DNAJC7: variants seen among roughly 807,000 people sequenced by gnomAD.
DNAJC7 encodes the protein dnaJ homolog subfamily C member 7.
A neutral mutation model predicts 67.4 loss-of-function variants in DNAJC7; 18 were observed. That is an observed-to-expected ratio of 0.27 (90% CI 0.18 to 0.40). The LOEUF (loss-of-function observed/expected upper bound fraction) is 0.40. DNAJC7 is among the 10% of genes least tolerant of loss of function. The pLI, the probability that DNAJC7 is intolerant of heterozygous loss-of-function variation, is 1.00. For synonymous variants in DNAJC7, 220 were observed against 207.8 expected, an observed-to-expected ratio of 1.06 and a Z score of -0.50; for missense variants, 419 against 613.8, an observed-to-expected ratio of 0.68 and a Z score of 3.35.
chr17:41,999,517 A>AT (rs1234722739), intron 2 of DNAJC7, among the ~76,000 whole-genome samples: 4 of 151,714 alleles, frequency 2.6e-5, no homozygotes, highest in African/African-American at 7.3e-5. Flanking sequence ...ACTTTTCTCA[A>AT]TTTTTTTTAA....
intron 5 of DNAJC7, among the ~76,000 whole-genome samples, 158 bp downstream of exon 5, chr17:41,994,712 A>G (rs1206776313): frequency 6.6e-6 from 1 of 152,144 alleles, no homozygotes; most frequent in Non-Finnish European, 1.5e-5. Flanking sequence ...CCTTAGCACA[A>G]AACATTTTTA....
intron 1 of DNAJC7, chr17:42,000,857 C>A: frequency 4.6e-6 from 1 of 219,692 alleles, no homozygotes; most frequent in Non-Finnish European, 8.9e-6. Flanking sequence ...TGCCTGTAGT[C>A]ATCCTCCCCG....
chr17:41,995,486 G>A (rs897284836), intron 4 of DNAJC7, among the ~76,000 whole-genome samples: 8 of 152,186 alleles, frequency 5.3e-5, no homozygotes, highest in African/African-American at 1.9e-4. Context: ...ATATGGCAGT[G>A]CTCCTGTAAA....
At chr17:41,980,350 T>G (rs961658165) in intron 12 of DNAJC7, among the ~76,000 whole-genome samples, 1 of 148,714 alleles carries the variant, frequency 6.7e-6, no homozygotes, top group Non-Finnish European at 1.5e-5. Flanking sequence ...GCCCAGCAAA[T>G]TTTTTGGCAG....
intron 10 of DNAJC7, among the ~76,000 whole-genome samples, chr17:41,982,918 C>A (rs2051286583): frequency 6.6e-6 from 1 of 151,366 alleles, no homozygotes; most frequent in African/African-American, 2.4e-5. Flanking sequence ...TATGATCATG[C>A]CATTGCACTC....
At chr17:41,987,717 A>G (rs1233720034) in intron 9 of DNAJC7, 102 bp downstream of exon 9, 4 of 985,370 alleles carry the variant, frequency 4.1e-6, no homozygotes, top group Non-Finnish European at 6.1e-6. Context: ...GGAAGGACCA[A>G]ATGACCTCAC....
chr17:41,980,688 G>T lies in DNAJC7; in HGVS notation c.1384+1167C>A, dbSNP rs191415177. ...GCTGGGATTACAGGCGTAAGCCACCGCGCCCAGCTCACAGGTCAGGGCCTC... is the reference window on the plus strand; with the variant it reads ...GCTGGGATTACAGGCGTAAGCCACCTCGCCCAGCTCACAGGTCAGGGCCTC... On this transcript the variant is annotated intron_variant, in intron 12 of 13. Transcript: ENST00000457167. Among the ~76,000 whole-genome samples the T allele has an allele frequency of 1.3e-3, 205 of 152,178 alleles. 1 individual carries two copies. The highest frequency in any genetic ancestry group is 4.7e-3 in the African/African-American group (196 of 41,524).
chr17:41,986,408 G>A (rs1370769016), intron 9 of DNAJC7, among the ~76,000 whole-genome samples: 2 of 151,642 alleles, frequency 1.3e-5, no homozygotes, highest in African/African-American at 4.8e-5. Flanking sequence ...AAAACAAAGC[G>A]ATTTTTCTCT....
Position 41,983,573 on chromosome 17 carries a change from C to A in DNAJC7, c.1074G>T (p.Glu358Asp), listed in dbSNP as rs782365253. 6.3e-7 allele frequency: 1 copy of A among 1,591,278 alleles called. No individual in the cohort carries two copies. The highest frequency in any genetic ancestry group is 1.1e-5 in the South Asian group (1 of 88,054). ...TGCTTTTAAACTTACCTTTTGTTTT[C>A]TCTGTCTGGTATACTTTTTCATAGT... ...VRDYEKVYQT[E>D]KTKEHKQLLK... is the part of the protein sequence containing the mutation. The change falls in exon 10 of 14, where the codon GAG becomes GAT. Residue 358 changes from glutamate to aspartate, a missense_variant. Transcript: ENST00000457167.
chr17:41,989,397 A>G lies in DNAJC7; in HGVS notation c.753+7T>C. On this transcript the variant is annotated splice_region_variant and intron_variant, in intron 7 of 13. Transcript: ENST00000457167. Reference sequence around the variant, plus strand: ...TTTCCCAGTTAGGTCTGGTGACTAGAACTTACTCTGCAGGCAATGCAGGCC... The same window carrying G: ...TTTCCCAGTTAGGTCTGGTGACTAGGACTTACTCTGCAGGCAATGCAGGCC... 1 of 1,613,752 alleles carries G rather than the reference A, an allele frequency of 6.2e-7. No individual in the cohort carries two copies. The highest frequency in any genetic ancestry group is 8.5e-7 in the Non-Finnish European group (1 of 1,179,826).
At chr17:41,991,406 T>C (rs890538930) in intron 5 of DNAJC7, among the ~76,000 whole-genome samples, 2 of 152,156 alleles carry the variant, frequency 1.3e-5, no homozygotes, top group Non-Finnish European at 2.9e-5. Flanking sequence ...TAAAATAGAA[T>C]GAAGAAGCTC....
chr17:42,016,097 C>G (rs2052274719), intron 1 of DNAJC7: 1 of 152,178 alleles, frequency 6.6e-6, no homozygotes, highest in African/African-American at 2.4e-5. Context: ...AGACTGGACT[C>G]TGGTGTCCTG....
At chr17:41,992,507 TA>T (rs782392042) in intron 5 of DNAJC7, 2 of 152,084 alleles carry the variant, frequency 1.3e-5, no homozygotes, top group Non-Finnish European at 2.9e-5. Context: ...TATGAAAACT[TA>T]AGCATTATGT....
At chr17:41,997,314 C>A in intron 2 of DNAJC7, 75 bp from the exon 3 acceptor site, 1 of 1,529,942 alleles carries the variant, frequency 6.5e-7, no homozygotes, top group Non-Finnish European at 8.8e-7. Flanking sequence ...GGGGGCTGGG[C>A]GCAGTGGCTC....
chr17:41,989,698 C>A, intron 6 of DNAJC7, 141 bp from the exon 7 acceptor site: 1 of 1,041,240 alleles, frequency 9.6e-7, no homozygotes. Flanking sequence ...AAGAACTGTT[C>A]CCAAACTTTC....
At chr17:42,001,292 C>T (rs2143276327) in intron 1 of DNAJC7, among the ~76,000 whole-genome samples, 1 of 152,288 alleles carries the variant, frequency 6.6e-6, no homozygotes, top group Middle Eastern at 3.4e-3. Context: ...TTTGTACTCC[C>T]TCCAGTACCT....
At chr17:41,989,686 C>T in intron 6 of DNAJC7, 129 bp from the exon 7 acceptor site, 3 of 1,227,652 alleles carry the variant, frequency 2.4e-6, no homozygotes, top group Non-Finnish European at 3.4e-6. Context: ...AGACAGATTC[C>T]CAAGAACTGT....
intron 1 of DNAJC7, chr17:42,011,565 C>G (rs1555651053): frequency 1.3e-5 from 2 of 152,164 alleles, no homozygotes; most frequent in African/African-American, 4.8e-5. Flanking sequence ...ATTCTGTATT[C>G]CTAGGTTTAT....
chr17:41,976,563 T>G lies in DNAJC7; in HGVS notation c.*170A>C. On this transcript the variant is annotated 3_prime_UTR_variant, in exon 14 of 14. Transcript: ENST00000457167. The stretch of plus-strand genomic sequence containing the variant: ...CCTCCCCTGCCCTCGGTCTTCGGCA[T>G]TGGTTCCCTTTGCTCCACCCCACTC... 1 of 731,588 alleles carries G rather than the reference T, an allele frequency of 1.4e-6. No individual in the cohort carries two copies. Among genetic ancestry groups the G allele is most frequent in the Non-Finnish European group, 2.1e-6 (1 of 476,654 alleles). 45.3% of individuals were successfully genotyped at this position (731,588 alleles called of 1,614,324 possible). A position where few individuals can be genotyped will look rare whatever the true frequency, so the allele number is the denominator to read the frequency against.
Sources: gnomAD v4.1 joint callset for allele counts (sites outside exome capture counted in the v4.1 genomes callset) on GRCh38, gnomAD v4.1.1 for gene constraint, MANE v1.5 for transcripts, NCBI Gene and HGNC (gene_info 2026-07-23, HGNC 2026-07-21) for gene names.